The following CFH variants were observed in gnomAD, a reference collection of about 807,000 sequenced individuals.
CFH encodes H factor 1 (complement).
A neutral mutation model predicts 147.3 loss-of-function variants in CFH; 53 were observed. The observed-to-expected ratio is 0.36, with a 90% CI of 0.29 to 0.45. The LOEUF (loss-of-function observed/expected upper bound fraction) is 0.45. Among genes scored for constraint, CFH ranks in the 20% least tolerant of loss-of-function variants. The probability of loss-of-function intolerance (pLI) is 1.00; values close to 1 mark genes in which losing one functional copy is unlikely to be tolerated. For synonymous variants in CFH, 536 were observed against 489.4 expected (o/e 1.10, Z -1.26); for missense variants, 1,380 against 1,498.0 (o/e 0.92, Z 1.30).
At chr1:196,653,860 A>T (rs879612546) in intron 1 of CFH, among the ~76,000 whole-genome samples, 1 of 152,130 alleles carries the variant, frequency 6.6e-6, no homozygotes, top group Non-Finnish European at 1.5e-5. Context: ...TTCCTAAAAG[A>T]TAAAGCACAA....
intron 9 of CFH, among the ~76,000 whole-genome samples, chr1:196,708,768 A>T (rs12406047): frequency 0.15 from 23,086 of 152,034 alleles, 2,388 homozygotes; most frequent in East Asian, 0.48. Flanking sequence ...TTACTGAGAT[A>T]CTTCTCAGTC....
At chr1:196,703,080 T>C (rs927087539) in intron 9 of CFH, among the ~76,000 whole-genome samples, 4 of 152,222 alleles carry the variant, frequency 2.6e-5, no homozygotes, top group Non-Finnish European at 5.9e-5. Flanking sequence ...TTAGTGAAGA[T>C]TGTTTTTAAT....
intron 1 of CFH, among the ~76,000 whole-genome samples, chr1:196,668,879 A>G (rs1373274918): frequency 1.3e-5 from 2 of 152,192 alleles, no homozygotes; most frequent in Non-Finnish European, 2.9e-5. Flanking sequence ...GCACTATTAT[A>G]AAGATACCTC....
rs549213437 is a variant in CFH at position 196,658,407 on chromosome 1, A to ATTTTTTTTTTTTTTTTTTTT, written c.58+6235_58+6254dup. ...GGATTACAGCCACCTTGCTCAGGTA[A>ATTTTTTTTTTTTTTTTTTTT]TTTTTTTTTTTTTTTTTTTTTTGAG... On this transcript the variant is annotated intron_variant, in intron 1 of 21. Transcript: ENST00000367429. Among the ~76,000 whole-genome samples the ATTTTTTTTTTTTTTTTTTTT allele has an allele frequency of 2.5e-3, 227 of 92,232 alleles. 20 individuals carry two copies. The highest frequency in any genetic ancestry group is 4.1e-3 in the East Asian group (12 of 2,960). 60.5% of individuals were successfully genotyped at this position (92,232 alleles called of 152,430 possible). A position where few individuals can be genotyped will look rare whatever the true frequency, so the allele number is the denominator to read the frequency against.
At chr1:196,732,871 A>G (rs1222980104) in intron 15 of CFH, among the ~76,000 whole-genome samples, 1 of 152,046 alleles carries the variant, frequency 6.6e-6, no homozygotes, top group Non-Finnish European at 1.5e-5. Flanking sequence ...CTCTCTCTGT[A>G]TTACACCAAG....
chr1:196,652,576 T>C (rs1179612992), intron 1 of CFH, among the ~76,000 whole-genome samples: 1 of 151,844 alleles, frequency 6.6e-6, no homozygotes, highest in Non-Finnish European at 1.5e-5. Flanking sequence ...TCATAATGAT[T>C]AGATTTATTT....
chr1:196,719,998 C>T (rs1668962317), intron 11 of CFH, among the ~76,000 whole-genome samples: 1 of 151,388 alleles, frequency 6.6e-6, no homozygotes, highest in African/African-American at 2.4e-5. Context: ...AACAAAAATA[C>T]CAATTTTAAT....
chr1:196,720,592 A>G (rs982262065), intron 11 of CFH, among the ~76,000 whole-genome samples: 2 of 151,748 alleles, frequency 1.3e-5, no homozygotes, highest in Non-Finnish European at 2.9e-5. Flanking sequence ...AGTTTTATAC[A>G]TGTTGCTTCT....
intron 18 of CFH, chr1:196,741,432 A>G (rs958423868): frequency 4.7e-6 from 1 of 210,976 alleles, no homozygotes; most frequent in South Asian, 7.0e-5. Flanking sequence ...AAATCATCAT[A>G]TCTTGTGAGA....
intron 1 of CFH, among the ~76,000 whole-genome samples, chr1:196,666,379 C>T (rs1667086640): frequency 1.3e-5 from 2 of 151,848 alleles, no homozygotes; most frequent in South Asian, 2.1e-4. Flanking sequence ...ATTTTTTTCT[C>T]TCTAATCAGT....
At position 196,743,555 on chromosome 1, in the gene CFH, C is replaced by G; in HGVS notation, c.3237C>G (p.Ser1079Arg). 1 of 1,613,964 alleles carries G rather than the reference C, an allele frequency of 6.2e-7. No homozygotes were observed. Among genetic ancestry groups the G allele is most frequent in the Non-Finnish European group, 8.5e-7 (1 of 1,179,924 alleles). ...AGAGAGTACGTTATCAATGTAGGAGCCCTTATGAAATGTTTGGGGATGAAG... is the reference window on the plus strand; with the variant it reads ...AGAGAGTACGTTATCAATGTAGGAGGCCTTATGAAATGTTTGGGGATGAAG... Reference protein sequence around the residue: ...SGERVRYQCRSPYEMFGDEEV... With the variant: ...SGERVRYQCRRPYEMFGDEEV... Residue 1079 changes from serine to arginine, a missense_variant, in exon 20 of 22, where the codon AGC becomes AGG. This residue lies in a region of CFH where 830 missense variants were observed against 821.4 expected (regional missense o/e 1.01). Coordinates refer to ENST00000367429, the MANE Select transcript of CFH (RefSeq NM_000186.4).
chr1:196,717,011 C>T (rs1668885998), intron 11 of CFH, among the ~76,000 whole-genome samples: 2 of 151,598 alleles, frequency 1.3e-5, no homozygotes, highest in African/African-American at 4.8e-5. Flanking sequence ...AAGATGAAGC[C>T]CTGAAACATT....
intron 7 of CFH, 41 bp from the exon 8 acceptor site, chr1:196,689,379 G>A: frequency 6.5e-7 from 1 of 1,544,244 alleles, no homozygotes; most frequent in Non-Finnish European, 8.9e-7. Flanking sequence ...GTTTATTACA[G>A]TAAAATTTCT....
intron 9 of CFH, among the ~76,000 whole-genome samples, chr1:196,693,274 T>C (rs1056845099): frequency 2.6e-5 from 4 of 152,134 alleles, no homozygotes; most frequent in Non-Finnish European, 5.9e-5. Context: ...TGTAGTTTCC[T>C]TTAAAATAGT....
At chr1:196,689,641 A>G in intron 8 of CFH, 27 bp downstream of exon 8, 1 of 1,609,612 alleles carries the variant, frequency 6.2e-7, no homozygotes, top group South Asian at 1.1e-5. Flanking sequence ...ACTGCTATAT[A>G]TATGTATAAA....
intron 9 of CFH, chr1:196,701,348 C>G: frequency 6.2e-7 from 1 of 1,613,722 alleles, no homozygotes; most frequent in Non-Finnish European, 8.5e-7. Context: ...GATCGAAGGT[C>G]ATCCCTCTCC....
chr1:196,719,178 C>T (rs1157398871), intron 11 of CFH, among the ~76,000 whole-genome samples: 3 of 151,832 alleles, frequency 2.0e-5, no homozygotes, highest in African/African-American at 4.8e-5. Flanking sequence ...ATGGAGTGTC[C>T]ATTCACATTC....
At chr1:196,672,424 C>T (rs542322029) in intron 1 of CFH, among the ~76,000 whole-genome samples, 1 of 152,272 alleles carries the variant, frequency 6.6e-6, no homozygotes, top group South Asian at 2.1e-4. Context: ...CTTTTCCATC[C>T]TATTCTATCT....
At chr1:196,714,651 A>G (rs1386847015) in intron 10 of CFH, among the ~76,000 whole-genome samples, 11 of 49,354 alleles carry the variant, frequency 2.2e-4, no homozygotes, top group African/African-American at 8.4e-4. Context: ...ATATATATAT[A>G]TATATATATA....
Sources: allele counts gnomAD v4.1 joint callset (sites outside exome capture counted in the v4.1 genomes callset), GRCh38; gene constraint gnomAD v4.1.1; regional missense constraint gnomAD v4.1.1; transcripts MANE v1.5; gene names NCBI Gene and HGNC (gene_info 2026-07-23, HGNC 2026-07-21).